GALNTL6: variants seen among roughly 807,000 people sequenced by gnomAD.
GALNTL6 encodes the protein polypeptide N-acetylgalactosaminyltransferase-like 6.
A neutral mutation model predicts 73.7 loss-of-function variants in GALNTL6; 46 were observed. That is an observed-to-expected ratio of 0.62 (90% CI 0.49 to 0.80). The LOEUF (loss-of-function observed/expected upper bound fraction) is 0.80, where lower values mean the gene tolerates loss of function less well. Among genes scored for constraint, GALNTL6 ranks in the 30% least tolerant of loss-of-function variants. The probability of loss-of-function intolerance (pLI) is 0.00; values close to 1 mark genes in which losing one functional copy is unlikely to be tolerated. For synonymous variants in GALNTL6, 259 were observed against 263.7 expected (o/e 0.98, Z 0.17); for missense variants, 604 against 755.0 (o/e 0.80, Z 2.34).
At chr4:171,905,633 C>A (rs1372246040) in intron 2 of GALNTL6, among the ~76,000 whole-genome samples, 1 of 149,994 alleles carries the variant, frequency 6.7e-6, no homozygotes, top group Admixed American at 6.6e-5. Context: ...CAGCTCTGCA[C>A]CAAGTGGACC....
intron 7 of GALNTL6, among the ~76,000 whole-genome samples, chr4:172,830,679 T>G (rs957855668): frequency 1.3e-5 from 2 of 151,944 alleles, no homozygotes; most frequent in East Asian, 3.9e-4. Context: ...TATAGGTGAG[T>G]AGATTGATTG....
Position 172,134,179 on chromosome 4 carries a change from C to T in GALNTL6, c.139-95477C>T, listed in dbSNP as rs573402463. Among the ~76,000 whole-genome samples, 259 of 152,044 alleles carry T rather than the reference C, an allele frequency of 1.7e-3. 1 individual carries two copies. Among genetic ancestry groups the T allele is most frequent in the African/African-American group, 5.6e-3 (233 of 41,478 alleles). On this transcript the variant is annotated intron_variant, in intron 2 of 12. Coordinates refer to ENST00000506823, the MANE Select transcript of GALNTL6 (RefSeq NM_001034845.3). ...CGGGCAGATCACGAGGTCAGGAGGT[C>T]GAGACCATCCTGGCTAACTCGGTGA...
chr4:172,474,589 T>C (rs1049282266), intron 5 of GALNTL6, among the ~76,000 whole-genome samples: 4 of 152,190 alleles, frequency 2.6e-5, no homozygotes, highest in Non-Finnish European at 4.4e-5. Flanking sequence ...AAGATGCTTC[T>C]TTTTGGTTCA....
At chr4:172,808,436 C>T (rs1260657816) in intron 5 of GALNTL6, among the ~76,000 whole-genome samples, 5 of 152,116 alleles carry the variant, frequency 3.3e-5, no homozygotes, top group African/African-American at 4.8e-5. Context: ...GTGAAAAATA[C>T]AGAGCATACA....
At chr4:171,942,907 T>C (rs565091480) in intron 2 of GALNTL6, among the ~76,000 whole-genome samples, 1 of 152,302 alleles carries the variant, frequency 6.6e-6, no homozygotes, top group Admixed American at 6.5e-5. Flanking sequence ...GCTCAATCCA[T>C]GGCACAGCCC....
intron 10 of GALNTL6, among the ~76,000 whole-genome samples, chr4:172,966,557 G>A (rs773894317): frequency 6.6e-6 from 1 of 152,200 alleles, no homozygotes; most frequent in Non-Finnish European, 1.5e-5. Flanking sequence ...ACCACGCCCA[G>A]CTAATTTTGG....
chr4:171,993,566 A>G (rs1740401449), intron 2 of GALNTL6, among the ~76,000 whole-genome samples: 1 of 152,128 alleles, frequency 6.6e-6, no homozygotes, highest in African/African-American at 2.4e-5. Flanking sequence ...CCAAATGAAT[A>G]TTTAGCCAAA....
intron 2 of GALNTL6, among the ~76,000 whole-genome samples, chr4:171,877,844 G>A (rs887959111): frequency 1.3e-5 from 2 of 152,096 alleles, no homozygotes; most frequent in African/African-American, 2.4e-5. Context: ...TGCATACATC[G>A]ATTGATGTTG....
chr4:172,744,838 T>A (rs1737002718), intron 5 of GALNTL6, among the ~76,000 whole-genome samples: 1 of 54,146 alleles, frequency 1.8e-5, no homozygotes, highest in African/African-American at 8.5e-5. Flanking sequence ...AGAGTGCGCG[T>A]GCGTGTGTGT....
chr4:172,546,053 T>C (rs2110886718), intron 5 of GALNTL6, among the ~76,000 whole-genome samples: 1 of 152,320 alleles, frequency 6.6e-6, no homozygotes, highest in African/African-American at 2.4e-5. Context: ...AATATGTATG[T>C]ATACACAGAC....
At chr4:172,898,561 T>G (rs887050528) in intron 8 of GALNTL6, among the ~76,000 whole-genome samples, 5 of 152,056 alleles carry the variant, frequency 3.3e-5, no homozygotes, top group Non-Finnish European at 5.9e-5. Context: ...CATACAGAAA[T>G]CTCTTAAGTA....
At chr4:172,713,049 G>A (rs977472824) in intron 5 of GALNTL6, among the ~76,000 whole-genome samples, 1 of 152,118 alleles carries the variant, frequency 6.6e-6, no homozygotes, top group Non-Finnish European at 1.5e-5. Context: ...AAGGTACACA[G>A]TGCTCCCTAT....
intron 5 of GALNTL6, among the ~76,000 whole-genome samples, chr4:172,804,140 T>TA (rs1740820106): frequency 6.6e-6 from 1 of 152,180 alleles, no homozygotes; most frequent in Non-Finnish European, 1.5e-5. Flanking sequence ...CCAAGTAGAT[T>TA]AAAAAAATTT....
intron 2 of GALNTL6, among the ~76,000 whole-genome samples, chr4:171,816,534 T>G (rs1210142998): frequency 2.6e-5 from 4 of 152,028 alleles, no homozygotes; most frequent in African/African-American, 9.7e-5. Flanking sequence ...AATAAATAAC[T>G]GAAATTGATT....
At chr4:172,862,977 A>T (rs1744474666) in intron 7 of GALNTL6, among the ~76,000 whole-genome samples, 1 of 152,236 alleles carries the variant, frequency 6.6e-6, no homozygotes, top group African/African-American at 2.4e-5. Flanking sequence ...GCTGTGGCTA[A>T]AAGGGGCCAA....
At chr4:172,210,963 T>A (rs1736304725) in intron 2 of GALNTL6, among the ~76,000 whole-genome samples, 1 of 152,238 alleles carries the variant, frequency 6.6e-6, no homozygotes, top group South Asian at 2.1e-4. Context: ...AGATTTGTAA[T>A]TTGAATGTTG....
chr4:172,496,303 A>G (rs1561111272), intron 5 of GALNTL6, among the ~76,000 whole-genome samples: 3 of 152,232 alleles, frequency 2.0e-5, no homozygotes, highest in East Asian at 1.9e-4. Flanking sequence ...ATTTTACAAA[A>G]TAGATGAATT....
Position 172,335,011 on chromosome 4 carries a change from C to T in GALNTL6, c.387-13512C>T, listed in dbSNP as rs925992440. Among the ~76,000 whole-genome samples the T allele has an allele frequency of 1.4e-3, 215 of 148,334 alleles. 1 individual carries two copies. Among genetic ancestry groups the T allele is most frequent in the African/African-American group, 4.7e-3 (188 of 40,146 alleles). On this transcript the variant is annotated intron_variant, in intron 4 of 12. Coordinates refer to ENST00000506823, the MANE Select transcript of GALNTL6 (RefSeq NM_001034845.3). ...TTTTTTTTTTTTTGAGACAGAGTCT[C>T]GCTCTGTCGCCCAGGCTGGAGTGCA...
chr4:172,992,568 T>G (rs1171408312), intron 10 of GALNTL6, among the ~76,000 whole-genome samples: 1 of 152,228 alleles, frequency 6.6e-6, no homozygotes, highest in Non-Finnish European at 1.5e-5. Context: ...ATTTTAATAA[T>G]GAGGCATCAC....
Sources: gnomAD v4.1 joint callset for allele counts (sites outside exome capture counted in the v4.1 genomes callset) on GRCh38, gnomAD v4.1.1 for gene constraint, MANE v1.5 for transcripts, NCBI Gene and HGNC (gene_info 2026-07-23, HGNC 2026-07-21) for gene names.